The following ACP6 variants were observed in gnomAD, a reference collection of about 807,000 sequenced individuals.
The protein encoded by ACP6 is acid phosphatase 6, lysophosphatidic.
A neutral mutation model predicts 48.1 loss-of-function variants in ACP6; 48 were observed. The ratio of observed to expected loss-of-function variants is 1.00; its 90% CI spans 0.79 to 1.27. The LOEUF (loss-of-function observed/expected upper bound fraction) is 1.27, where lower values mean the gene tolerates loss of function less well. Ranked by LOEUF, ACP6 falls within the 50% of genes most tolerant of loss-of-function variation. The pLI is 0.00. For synonymous variants in ACP6, 172 were observed against 204.2 expected (o/e 0.84, Z 1.34); for missense variants, 485 against 529.1 (o/e 0.92, Z 0.82).
In ACP6 at chr1:147,629,976, AAG is replaced by A. The variant is rs1375494992; in HGVS notation, c.*1075_*1076del. ...CGGTGAGTGTATGTATGACCATAGA[AAG>A]AGAAAATAAACAGAAGAACCAGAAA... On this transcript the variant is annotated 3_prime_UTR_variant, in exon 6 of 6. Coordinates refer to the ACP6 transcript ENST00000609196. 3 of 152,256 alleles carry A rather than the reference AAG, an allele frequency of 2.0e-5. 1 individual carries two copies. The highest frequency in any genetic ancestry group is 7.2e-5 in the African/African-American group (3 of 41,456). 9.4% of individuals were successfully genotyped at this position (152,256 alleles called of 1,614,324 possible).
chr1:147,668,521 A>G (rs1028393830), intron 1 of ACP6, among the ~76,000 whole-genome samples: 3 of 152,250 alleles, frequency 2.0e-5, no homozygotes, highest in Admixed American at 2.0e-4. Flanking sequence ...TGAATATAAT[A>G]TATATTCCTA....
chr1:147,648,096 A>G (rs1659716788), intron 9 of ACP6, 150 bp downstream of exon 9: 1 of 847,908 alleles, frequency 1.2e-6, no homozygotes, highest in African/African-American at 1.7e-5. Context: ...CCTGGGCCAT[A>G]GCCAGGAGTT....
intron 1 of ACP6, among the ~76,000 whole-genome samples, chr1:147,666,212 G>A (rs1553213624): frequency 6.6e-6 from 1 of 152,204 alleles, no homozygotes; most frequent in African/African-American, 2.4e-5. Flanking sequence ...CAAGCCAATT[G>A]TTCAGGAGAA....
intron 1 of ACP6, among the ~76,000 whole-genome samples, chr1:147,663,464 A>T (rs1288226648): frequency 2.0e-5 from 3 of 152,180 alleles, no homozygotes; most frequent in African/African-American, 7.2e-5. Context: ...CAGTGTCATC[A>T]TATCAGTAAC....
intron 1 of ACP6, among the ~76,000 whole-genome samples, chr1:147,660,107 G>T (rs1340648303): frequency 6.6e-6 from 1 of 152,106 alleles, no homozygotes; most frequent in African/African-American, 2.4e-5. Context: ...ACGAATAGAT[G>T]GATGAAAGAA....
intron 1 of ACP6, among the ~76,000 whole-genome samples, chr1:147,660,234 C>G (rs1194596540): frequency 6.6e-6 from 1 of 152,054 alleles, no homozygotes; most frequent in Non-Finnish European, 1.5e-5. Flanking sequence ...TACTTTTTTC[C>G]TCCTTTCATG....
chr1:147,668,415 GATAT>G (rs79430492), intron 1 of ACP6, among the ~76,000 whole-genome samples: 25 of 146,168 alleles, frequency 1.7e-4, no homozygotes, highest in Admixed American at 2.7e-4. Context: ...GTGCCTTCAG[GATAT>G]ATATATATAT....
chr1:147,662,279 A>G (rs1424493214), intron 1 of ACP6, among the ~76,000 whole-genome samples: 4 of 149,784 alleles, frequency 2.7e-5, no homozygotes, highest in African/African-American at 7.3e-5. Flanking sequence ...TGGCCCAAGG[A>G]GTAATTTTGA....
intron 6 of ACP6, chr1:147,652,771 G>T (rs1660007862): frequency 1.0e-5 from 7 of 693,790 alleles, no homozygotes; most frequent in East Asian, 5.5e-5. Flanking sequence ...AAAAAGAAAG[G>T]GTTTCTTCCC....
At chr1:147,665,948 C>A (rs975291691) in intron 1 of ACP6, among the ~76,000 whole-genome samples, 1 of 152,108 alleles carries the variant, frequency 6.6e-6, no homozygotes, top group African/African-American at 2.4e-5. Flanking sequence ...TGTGTATACC[C>A]CTCTTCAAGG....
chr1:147,666,698 A>G (rs1660814285), intron 1 of ACP6, among the ~76,000 whole-genome samples: 1 of 152,110 alleles, frequency 6.6e-6, no homozygotes, highest in Admixed American at 6.5e-5. Flanking sequence ...CCCCGGACCA[A>G]TTAAATTAGA....
chr1:147,660,938 A>G (rs1660517382), intron 1 of ACP6, among the ~76,000 whole-genome samples: 1 of 152,200 alleles, frequency 6.6e-6, no homozygotes, highest in Non-Finnish European at 1.5e-5. Context: ...ATAGGCATAC[A>G]TCATTTTATT....
intron 1 of ACP6, among the ~76,000 whole-genome samples, chr1:147,667,732 TG>T (rs1265456282): frequency 1.3e-5 from 2 of 152,132 alleles, no homozygotes; most frequent in African/African-American, 2.4e-5. Flanking sequence ...GGCTCACGCC[TG>T]TAATCCCAGC....
downstream of ACP6, among the ~76,000 whole-genome samples, chr1:147,639,144 A>G (rs587652791): frequency 6.6e-6 from 1 of 152,320 alleles, no homozygotes; most frequent in Non-Finnish European, 1.5e-5. Flanking sequence ...GGTGTGAGCC[A>G]CCTGGCCAAG....
At position 147,661,293 on chromosome 1, in the gene ACP6, C is replaced by A. The variant is rs782415596; in HGVS notation, c.220-1518G>T. ...CCTCCCGAGCAGCTGGGACTACAGG[C>A]ATATACCATCATGCCCAGCTAATTT... On this transcript the variant is annotated intron_variant, in intron 1 of 9. Coordinates refer to ENST00000583509, the MANE Select transcript of ACP6 (RefSeq NM_016361.5). 6.2e-5 allele frequency among the ~76,000 whole-genome samples: 9 copies of A among 146,226 alleles called. No individual in the cohort carries two copies. In the South Asian group the frequency reaches 1.3e-3, roughly 22 times the overall value.
chr1:147,664,318 A>G (rs587704069), intron 1 of ACP6, among the ~76,000 whole-genome samples: 20 of 152,134 alleles, frequency 1.3e-4, no homozygotes, highest in South Asian at 1.0e-3. Flanking sequence ...CTTCTTCCCT[A>G]TTCTACATAC....
intron 8 of ACP6, 183 bp downstream of exon 8, chr1:147,649,960 A>C (rs1466853108): frequency 2.8e-5 from 15 of 543,780 alleles, no homozygotes; most frequent in Non-Finnish European, 6.4e-6. Flanking sequence ...ACATGGTAGG[A>C]GGGGTGCAGC....
intron 5 of ACP6, among the ~76,000 whole-genome samples, chr1:147,633,078 C>T (rs587658640): frequency 2.6e-5 from 4 of 152,208 alleles, no homozygotes; most frequent in South Asian, 2.1e-4. Context: ...TTGAGCCGTC[C>T]GATAATGGGA....
chr1:147,640,399 C>A (rs1342794689), downstream of ACP6, among the ~76,000 whole-genome samples: 1 of 152,190 alleles, frequency 6.6e-6, no homozygotes, highest in Non-Finnish European at 1.5e-5. Flanking sequence ...TCCGCAGGCA[C>A]CCACTGCCCA....
Sources: gnomAD v4.1 joint callset for allele counts (sites outside exome capture counted in the v4.1 genomes callset) on GRCh38, gnomAD v4.1.1 for gene constraint, MANE v1.5 for transcripts, NCBI Gene and HGNC (gene_info 2026-07-23, HGNC 2026-07-21) for gene names.